The following ANKLE1 variants were observed in gnomAD, a reference collection of about 807,000 sequenced individuals.
ANKLE1 encodes the protein ankyrin repeat and LEM domain containing 1.
Under a neutral mutation model 56.2 loss-of-function variants are expected in ANKLE1, and 59 were observed. The observed-to-expected ratio is 1.05, with a 90% confidence interval of 0.85 to 1.30. The LOEUF is 1.30. ANKLE1 is among the 50% of genes most tolerant of loss of function. ANKLE1 has a pLI of 0.00. For missense variants in ANKLE1, 771 were observed against 816.1 expected, an observed-to-expected ratio of 0.94 and a Z score of 0.67; for synonymous variants, 341 against 352.9, an observed-to-expected ratio of 0.97 and a Z score of 0.38.
At chr19:17,282,368 G>A (rs941781989) in intron 2 of ANKLE1, among the ~76,000 whole-genome samples, 159 bp downstream of exon 2, 4 of 152,210 alleles carry the variant, frequency 2.6e-5, no homozygotes, top group Admixed American at 2.0e-4. Flanking sequence ...AGGGGCTAGG[G>A]CTCGAGGGAG....
rs1224329600 is a variant in ANKLE1, at chr19:17,284,200, A to T, written c.1310A>T (p.Asp437Val). Residue 437 changes from aspartate (D) to valine (V), a missense_variant, in exon 6 of 9, where the codon GAT becomes GTT. Transcript: ENST00000404085. ...CTGGCCCAGCAGTTTGAGCAGCCAG[A>T]TCCTGCCAGGAGGTGGCGGGAGGGG... is the stretch of plus-strand genomic sequence containing the variant. Reference protein sequence around the residue: ...DALAQQFEQPDPARRWREGVV... With the variant: ...DALAQQFEQPVPARRWREGVV... 6.2e-7 allele frequency: 1 copy of T among 1,613,802 alleles called. No homozygotes were observed. The highest frequency in any genetic ancestry group is 1.1e-5 in the South Asian group (1 of 91,082).
intron 4 of ANKLE1, 76 bp downstream of exon 4, chr19:17,283,078 C>T (rs2073992621): frequency 7.2e-6 from 11 of 1,535,646 alleles, no homozygotes; most frequent in Non-Finnish European, 9.6e-6. Context: ...CCCCACCCCA[C>T]CCATTGGTTC....
chr19:17,285,282 G>A lies in ANKLE1; in HGVS notation c.1377-149G>A, dbSNP rs565233444. The A allele has an allele frequency of 2.4e-5, 22 of 902,814 alleles. No homozygotes were observed. The African/African-American group carries it at 3.4e-4, about 14-fold the overall frequency. The allele number at this position is 902,814 out of a possible 1,614,324, so 55.9% of individuals were successfully genotyped here. On this transcript the variant is annotated intron_variant, in intron 6 of 8. Coordinates refer to ENST00000404085, the MANE Select transcript of ANKLE1 (RefSeq NM_152363.6). ...CTCAAAAAAAAAAAAAAAGAAAGCTGCTGAATGTCTTTGGGGAGCCGCTGA... is the reference window on the plus strand; with the variant it reads ...CTCAAAAAAAAAAAAAAAGAAAGCTACTGAATGTCTTTGGGGAGCCGCTGA...
chr19:17,282,840 C>T (rs2073988543), intron 3 of ANKLE1, 24 bp from the exon 4 acceptor site: 5 of 1,585,404 alleles, frequency 3.2e-6, no homozygotes, highest in Middle Eastern at 1.7e-4. Flanking sequence ...CCTCGGGCGC[C>T]CCCTGCTGAC....
chr19:17,286,005 G>A (rs1049880210), intron 8 of ANKLE1, among the ~76,000 whole-genome samples, 186 bp downstream of exon 8: 1 of 152,088 alleles, frequency 6.6e-6, no homozygotes, highest in Non-Finnish European at 1.5e-5. Flanking sequence ...TACACATTGG[G>A]TTTGCTGTCA....
In ANKLE1 at chr19:17,282,763, T is replaced by C. The variant is rs1042404682; in HGVS notation, c.321+2T>C. ...GCGGACCCGGCGCTGCGCGACCAGG[T>C]TGGGAGGCACTGCGCGGGCAAAGAA... On this transcript the variant is annotated splice_donor_variant, in intron 3 of 8. Transcript: ENST00000404085. LOFTEE classifies it high-confidence loss of function. The C allele has an allele frequency of 6.4e-7, 1 of 1,551,206 alleles. No homozygotes were observed. The highest frequency in any genetic ancestry group is 1.4e-5 in the African/African-American group (1 of 73,754).
chr19:17,283,061 G>C, intron 4 of ANKLE1, 59 bp downstream of exon 4: 1 of 1,538,230 alleles, frequency 6.5e-7, no homozygotes, highest in South Asian at 1.2e-5. Context: ...CTGACATCCA[G>C]GGTCTTCCCC....
chr19:17,285,233 TG>T (rs1024782952), intron 6 of ANKLE1, among the ~76,000 whole-genome samples, 197 bp from the exon 7 acceptor site: 3 of 148,630 alleles, frequency 2.0e-5, no homozygotes, highest in African/African-American at 5.0e-5. Context: ...CACTCCAGCC[TG>T]GGGAACAAGA....
rs778582586 is a variant in ANKLE1, at chr19:17,287,613, C to G, written c.*1061C>G. ...TCTATGGAGTAGCCATTCTTTTATT[C>G]CTTTAGTTTCTTAATAAATTTGCTT... is the stretch of plus-strand genomic sequence containing the variant. On this transcript the variant is annotated 3_prime_UTR_variant, in exon 9 of 9. Coordinates refer to ENST00000404085, the MANE Select transcript of ANKLE1 (RefSeq NM_152363.6). The G allele has an allele frequency of 1.3e-5, 2 of 151,848 alleles. No homozygotes were observed. The highest frequency in any genetic ancestry group is 2.9e-5 in the Non-Finnish European group (2 of 68,044). The allele number at this position is 151,848 out of a possible 1,614,324, so 9.4% of individuals were successfully genotyped here. A position where few individuals can be genotyped will look rare whatever the true frequency, so the allele number is the denominator to read the frequency against.
In ANKLE1 at chr19:17,285,584, A is replaced by G. The variant is rs556785966; in HGVS notation, c.1530A>G (p.Arg510=). 438 of 1,613,952 alleles carry G rather than the reference A, an allele frequency of 2.7e-4. 1 individual carries two copies. In the South Asian group the frequency reaches 4.5e-3, roughly 17 times the overall value. ...WEALGHHGRS[R]KQPHQACPKV... ...CCCTTGGTCACCATGGGCGGTCAAG[A>G]AAACAGGTGTGAGGACAGGGATCAG... Residue 510 remains arginine, a synonymous_variant, in exon 7 of 9, where the codon AGA becomes AGG. Transcript: ENST00000404085.
rs1435588121 is a variant in ANKLE1 at position 17,282,165 on chromosome 19, T to G, written c.171T>G (p.Arg57=). ...GAGCCCGGCACCCGCGCGGCCTGCG[T>G]TGCCTCGGGGCCCTACTGCGCCAAG... ...AAGARHPRGL[R]CLGALLRQGG... Residue 57 remains arginine, a synonymous_variant, in exon 2 of 9, where the codon CGT becomes CGG. Coordinates refer to ENST00000404085, the MANE Select transcript of ANKLE1 (RefSeq NM_152363.6). The G allele has an allele frequency of 6.5e-7, 1 of 1,535,148 alleles. No homozygotes were observed. The highest frequency in any genetic ancestry group is 8.7e-7 in the Non-Finnish European group (1 of 1,144,168).
Position 17,283,686 on chromosome 19 carries a change from C to T in ANKLE1, c.922C>T (p.Arg308Trp), listed in dbSNP as rs1039007470. The change falls in exon 5 of 9, where the codon CGG (arginine) becomes TGG (tryptophan). Residue 308 changes from arginine to tryptophan, a missense_variant. Transcript: ENST00000404085. ...LDRSPAHSPP[R>W]TPTPGASDCH... is the part of the protein sequence containing the mutation. ...CAGGAGTCCAGCTCATAGCCCCCCACGGACACCAACCCCTGGAGCTTCTGA... is the reference window on the plus strand; with the variant it reads ...CAGGAGTCCAGCTCATAGCCCCCCATGGACACCAACCCCTGGAGCTTCTGA... The T allele has an allele frequency of 8.1e-6, 13 of 1,613,470 alleles. No homozygotes were observed. Among genetic ancestry groups the T allele is most frequent in the Middle Eastern group, 1.6e-4 (1 of 6,084 alleles).
In ANKLE1 at chr19:17,286,660, G is replaced by T. The variant is rs955413287; in HGVS notation, c.*108G>T. The T allele has an allele frequency of 1.6e-5, 11 of 690,230 alleles. No individual in the cohort carries two copies. The highest frequency in any genetic ancestry group is 1.6e-4 in the African/African-American group (7 of 44,322). 42.8% of individuals were successfully genotyped at this position (690,230 alleles called of 1,614,324 possible). ...GGTTTCAGAAGGGGTGTGTGTGTGT[G>T]TGTGTGTGTGTGTGTGTGTGTGTGT... On this transcript the variant is annotated 3_prime_UTR_variant, in exon 9 of 9. Coordinates refer to ENST00000404085, the MANE Select transcript of ANKLE1 (RefSeq NM_152363.6).
intron 6 of ANKLE1, 89 bp from the exon 7 acceptor site, chr19:17,285,342 A>G (rs749142250): frequency 2.7e-6 from 4 of 1,504,372 alleles, no homozygotes; most frequent in Non-Finnish European, 3.6e-6. Context: ...GTCACTAGAC[A>G]TGGGTTCAAG....
At chr19:17,282,347 G>C in intron 2 of ANKLE1, 138 bp downstream of exon 2, 1 of 1,297,632 alleles carries the variant, frequency 7.7e-7, no homozygotes, top group Non-Finnish European at 1.0e-6. Flanking sequence ...GGAACTTGGG[G>C]GTCCAAGGGC....
In ANKLE1 at chr19:17,285,531, G is replaced by A. The variant is rs1451069602; in HGVS notation, c.1477G>A (p.Ala493Thr). The change falls in exon 7 of 9, where the codon GCC becomes ACC. Residue 493 changes from alanine to threonine, a missense_variant. Physicochemically the swap from Ala to Thr is moderately conservative, Grantham distance 58. Transcript: ENST00000404085. ...AIFYVGKGTRARPYVHLWEAL... is the reference protein window; with the variant it reads ...AIFYVGKGTRTRPYVHLWEAL... Reference sequence around the variant, plus strand: ...CTTCTACGTGGGCAAAGGGACGAGGGCCCGGCCATATGTCCACCTCTGGGA... The same window carrying A: ...CTTCTACGTGGGCAAAGGGACGAGGACCCGGCCATATGTCCACCTCTGGGA... 1 of 1,613,916 alleles carries A rather than the reference G, an allele frequency of 6.2e-7. No individual in the cohort carries two copies. The highest frequency in any genetic ancestry group is 1.7e-5 in the Admixed American group (1 of 60,018).
intron 1 of ANKLE1, 34 bp from the exon 2 acceptor site, chr19:17,282,023 T>C: frequency 6.5e-7 from 1 of 1,536,362 alleles, no homozygotes; most frequent in Non-Finnish European, 8.7e-7. Flanking sequence ...TGGGGGTCTT[T>C]GGCCGGGGTC....
rs1481034115 is a variant in ANKLE1 at position 17,281,920 on chromosome 19, C to A, written c.-1C>A. ...CGGTGCGCTTCGGACCCAGCCAGGG[C>A]ATGTGCTCGGAGGCCCGCCTGGCTC... On this transcript the variant is annotated 5_prime_UTR_variant, in exon 1 of 9. Transcript: ENST00000404085. 4 of 1,535,046 alleles carry A rather than the reference C, an allele frequency of 2.6e-6. No individual in the cohort carries two copies. Among genetic ancestry groups the A allele is most frequent in the Non-Finnish European group, 3.5e-6 (4 of 1,146,048 alleles).
rs766333087 is a variant in ANKLE1 at position 17,285,810 on chromosome 19, G to A, written c.1666G>A (p.Glu556Lys). 8 of 1,613,602 alleles carry A rather than the reference G, an allele frequency of 5.0e-6. No homozygotes were observed. In the South Asian group the frequency reaches 7.7e-5, roughly 16 times the overall value. The change falls in exon 8 of 9, where the codon GAA (glutamate) becomes AAA (lysine). Residue 556 changes from glutamate (E) to lysine (K), a missense_variant. Coordinates refer to ENST00000404085, the MANE Select transcript of ANKLE1 (RefSeq NM_152363.6). ...EAYTREACIV[E>K]ALGIQTLTNQ... ...TTATACACGGGAGGCGTGTATTGTG[G>A]AAGCCCTAGGTGGGTGCCTGGTACC...
Sources: allele counts gnomAD v4.1 joint callset (sites outside exome capture counted in the v4.1 genomes callset), GRCh38; gene constraint gnomAD v4.1.1; transcripts MANE v1.5; gene names NCBI Gene and HGNC (gene_info 2026-07-23, HGNC 2026-07-21).